Variants in STAT4 observed in about 807,000 individuals in gnomAD.
STAT4 encodes signal transducer and activator of transcription 4.
STAT4 carries 42 observed loss-of-function variants against 110.5 expected under a neutral mutation model. That is an observed-to-expected ratio of 0.38 (90% CI 0.30 to 0.49). The LOEUF is 0.49. Among genes scored for constraint, STAT4 ranks in the 20% least tolerant of loss-of-function variants. The probability of loss-of-function intolerance (pLI) is 0.95; values close to 1 mark genes in which losing one functional copy is unlikely to be tolerated. For missense variants in STAT4, 632 were observed against 887.9 expected (o/e 0.71, Z 3.66); for synonymous variants, 284 against 302.2 (o/e 0.94, Z 0.63).
chr2:191,125,515 C>T (rs1348650874), intron 3 of STAT4, among the ~76,000 whole-genome samples: 1 of 47,010 alleles, frequency 2.1e-5, no homozygotes, highest in Non-Finnish European at 5.4e-5. Flanking sequence ...TGAGACAGGG[C>T]CTTGCTCTGT....
chr2:191,114,853 T>C (rs1376322656), intron 3 of STAT4, among the ~76,000 whole-genome samples: 1 of 152,156 alleles, frequency 6.6e-6, no homozygotes, highest in Non-Finnish European at 1.5e-5. Flanking sequence ...ACATAATGTA[T>C]TGTTGAAGCA....
rs556228794 is a variant in STAT4 at position 191,098,581 on chromosome 2, G to A, written c.274-22256C>T. 2.0e-4 allele frequency among the ~76,000 whole-genome samples: 31 copies of A among 152,188 alleles called. No individual in the cohort carries two copies. The East Asian group carries it at 5.2e-3, about 26-fold the overall frequency. On this transcript the variant is annotated intron_variant, in intron 3 of 23. Transcript: ENST00000392320. The stretch of plus-strand genomic sequence containing the variant: ...CAATGAGAACACTTGGACACAGGGC[G>A]GGGAACATCACACATGGGTGCCAGT...
At position 191,107,658 on chromosome 2, in the gene STAT4, T is replaced by C. The variant is rs1177562065; in HGVS notation, c.274-31333A>G. Among the ~76,000 whole-genome samples, 1 of 152,222 alleles carries C rather than the reference T, an allele frequency of 6.6e-6. No individual in the cohort carries two copies. The highest frequency in any genetic ancestry group is 1.5e-5 in the Non-Finnish European group (1 of 68,038). ...TTCTGTGTCCATCTTTTGGTTTTGA[T>C]ATAGTGTTTTGTTTGCAGGGTTAGC... On this transcript the variant is annotated intron_variant, in intron 3 of 23. Transcript: ENST00000392320. This position sits in a 1 kb window ranked among gnomAD's most constrained non-coding sequence, Gnocchi z 4.2.
intron 3 of STAT4, among the ~76,000 whole-genome samples, chr2:191,076,646 T>C (rs1697325522): frequency 6.8e-6 from 1 of 148,102 alleles, no homozygotes; most frequent in South Asian, 2.2e-4. Flanking sequence ...GGCAGGTTTT[T>C]TCTTTTTTTT....
intron 3 of STAT4, among the ~76,000 whole-genome samples, chr2:191,095,532 G>A (rs190878814): frequency 8.5e-5 from 13 of 152,322 alleles, no homozygotes; most frequent in African/African-American, 2.4e-4. Context: ...ATAATGAAAT[G>A]AAGGCAGAAA....
Position 191,058,207 on chromosome 2 carries a change from A to G in STAT4, c.1107T>C (p.Thr369=). Reference sequence around the variant, plus strand: ...CCACAAAGTAAATGTCTTACCTTAGAGTTGAAACATTCCTGTAAAACCAAG... The same window carrying G: ...CCACAAAGTAAATGTCTTACCTTAGGGTTGAAACATTCCTGTAAAACCAAG... ...VKASIDKNVS[T]LSNRRFVLCG... is the part of the protein sequence containing the mutation. Residue 369 remains threonine (T), a synonymous_variant, in exon 12 of 24, where the codon ACT becomes ACC. Transcript: ENST00000392320. This position sits in a 1 kb window ranked among gnomAD's most constrained non-coding sequence, Gnocchi z 4.3. 2.5e-6 allele frequency: 4 copies of G among 1,613,762 alleles called. No individual in the cohort carries two copies. Among genetic ancestry groups the G allele is most frequent in the Non-Finnish European group, 3.4e-6 (4 of 1,179,820 alleles).
Position 191,069,673 on chromosome 2 carries a change from T to A in STAT4, c.544+20A>T. 6.3e-7 allele frequency: 1 copy of A among 1,593,260 alleles called. No homozygotes were observed. Among genetic ancestry groups the A allele is most frequent in the East Asian group, 2.2e-5 (1 of 44,510 alleles). On this transcript the variant is annotated intron_variant, in intron 6 of 23. Coordinates refer to ENST00000392320, the MANE Select transcript of STAT4 (RefSeq NM_003151.4). The stretch of plus-strand genomic sequence containing the variant: ...GCCTTTTTGTCTCTATGCATAATTA[T>A]AGAAAAAACAAAAACTTACCCATTG...
intron 3 of STAT4, among the ~76,000 whole-genome samples, chr2:191,132,712 T>C (rs1440886671): frequency 6.6e-6 from 1 of 151,380 alleles, no homozygotes; most frequent in African/African-American, 2.4e-5. Flanking sequence ...TGCCTAGAAG[T>C]GAAATATGTG....
intron 3 of STAT4, among the ~76,000 whole-genome samples, chr2:191,102,178 C>T (rs1698164665): frequency 6.6e-6 from 1 of 152,120 alleles, no homozygotes; most frequent in Non-Finnish European, 1.5e-5. Flanking sequence ...ATATAAATAA[C>T]TCCCACATGC....
At chr2:191,123,913 A>T (rs1308476603) in intron 3 of STAT4, among the ~76,000 whole-genome samples, 2 of 152,194 alleles carry the variant, frequency 1.3e-5, no homozygotes, top group East Asian at 3.8e-4. Context: ...TACCATCATA[A>T]AGTTGAAAAA....
At chr2:191,069,389 T>A (rs1352432906) in intron 6 of STAT4, among the ~76,000 whole-genome samples, 1 of 152,134 alleles carries the variant, frequency 6.6e-6, no homozygotes. Flanking sequence ...AGAAGGTTTT[T>A]ATTTTTTAGA....
chr2:191,045,415 C>T (rs1286269497), intron 14 of STAT4, among the ~76,000 whole-genome samples: 2 of 152,080 alleles, frequency 1.3e-5, no homozygotes, highest in African/African-American at 2.4e-5. Flanking sequence ...TGTGTGTATC[C>T]TCATTGTGTT....
intron 3 of STAT4, among the ~76,000 whole-genome samples, chr2:191,125,476 T>TTTATTATTATTA (rs6147087): frequency 0.027 from 3,776 of 137,968 alleles, 90 homozygotes; most frequent in African/African-American, 0.053. Flanking sequence ...ATCCTCATTA[T>TTTATTATTATTA]TTATTATTAT....
At chr2:191,057,205 C>T (rs1356220576) in intron 13 of STAT4, among the ~76,000 whole-genome samples, 2 of 152,202 alleles carry the variant, frequency 1.3e-5, no homozygotes, top group Admixed American at 6.5e-5. Context: ...AACTACCATT[C>T]GACTGTCTGC....
Position 191,037,141 on chromosome 2 carries a change from T to C in STAT4, c.1435-842A>G, listed in dbSNP as rs1002661947. Among the ~76,000 whole-genome samples the C allele has an allele frequency of 3.3e-5, 5 of 152,198 alleles. No homozygotes were observed. Among genetic ancestry groups the C allele is most frequent in the African/African-American group, 1.2e-4 (5 of 41,448 alleles). On this transcript the variant is annotated intron_variant, in intron 16 of 23. Transcript: ENST00000392320. This position sits in a 1 kb window ranked among gnomAD's most constrained non-coding sequence, Gnocchi z 4.8. ...CATCCTAAACAAAACTTATATCATA[T>C]TATTTAATTGGTTTATCGTGGGGTT...
intron 3 of STAT4, among the ~76,000 whole-genome samples, chr2:191,132,081 A>G (rs575636182): frequency 1.1e-4 from 16 of 151,878 alleles, no homozygotes; most frequent in Non-Finnish European, 2.4e-4. Context: ...CATTCTTCAC[A>G]TTAAATCCTT....
rs1419144262 is a variant in STAT4, at chr2:191,062,438, T to A, written c.941+324A>T. Among the ~76,000 whole-genome samples the A allele has an allele frequency of 1.3e-5, 2 of 152,138 alleles. No homozygotes were observed. The highest frequency in any genetic ancestry group is 2.9e-5 in the Non-Finnish European group (2 of 68,016). On this transcript the variant is annotated intron_variant, in intron 9 of 23. Transcript: ENST00000392320. The surrounding 1 kb of genome is among the most constrained non-coding windows in gnomAD (Gnocchi z 4.9). The stretch of plus-strand genomic sequence containing the variant: ...GTATTTTTTCTTTAGCTTATAAACA[T>A]GAAAATGTTCTCCATCCTTCATTTC...
In STAT4 at chr2:191,030,002, C is replaced by G; in HGVS notation, c.2221-136G>C. 3 of 703,724 alleles carry G rather than the reference C, an allele frequency of 4.3e-6. No individual in the cohort carries two copies. Among genetic ancestry groups the G allele is most frequent in the South Asian group, 1.9e-5 (1 of 53,688 alleles). The allele number at this position is 703,724 out of a possible 1,614,324, so 43.6% of individuals were successfully genotyped here. On this transcript the variant is annotated intron_variant, in intron 23 of 23. Coordinates refer to ENST00000392320, the MANE Select transcript of STAT4 (RefSeq NM_003151.4). The surrounding 1 kb of genome is among the most constrained non-coding windows in gnomAD (Gnocchi z 4.4). ...CTATTACCTAGTTAAAATACTTAAA[C>G]TAAGTATTTGCAAAAGTAATTGGGG...
intron 3 of STAT4, among the ~76,000 whole-genome samples, chr2:191,119,415 A>C (rs1368643856): frequency 6.6e-6 from 1 of 152,190 alleles, no homozygotes; most frequent in Non-Finnish European, 1.5e-5. Context: ...AGAATGGAGT[A>C]AGAATGGAAA....
Sources: allele counts gnomAD v4.1 joint callset (sites outside exome capture counted in the v4.1 genomes callset), GRCh38; gene constraint gnomAD v4.1.1; non-coding constraint Gnocchi (gnomAD v3.1); transcripts MANE v1.5; gene names NCBI Gene and HGNC (gene_info 2026-07-23, HGNC 2026-07-21).